Variants in TCF20 observed in about 807,000 individuals in gnomAD.
TCF20 encodes the protein transcription factor 20, also known as SPRE-binding protein.
TCF20 carries 3 observed loss-of-function variants against 148.6 expected under a neutral mutation model. The ratio of observed to expected loss-of-function variants is 0.02; its 90% CI spans 0.01 to 0.05. TCF20 has a LOEUF of 0.05. TCF20 is among the 10% of genes least tolerant of loss of function. The pLI, the probability that TCF20 is intolerant of heterozygous loss-of-function variation, is 1.00. For synonymous variants in TCF20, 1,049 were observed against 909.5 expected, an observed-to-expected ratio of 1.15 and a Z score of -2.76; for missense variants, 2,350 against 2,429.3, an observed-to-expected ratio of 0.97 and a Z score of 0.69.
intron 4 of TCF20, among the ~76,000 whole-genome samples, chr22:42,169,110 G>T (rs1300512254): frequency 6.6e-6 from 1 of 150,964 alleles, no homozygotes; most frequent in Non-Finnish European, 1.5e-5. Flanking sequence ...ATTTAAGACT[G>T]CGAGTGACCA....
At position 42,297,399 on chromosome 22, in the gene TCF20, T is replaced by C. The variant is rs578185298; in HGVS notation, c.-37+46080A>G. Among the ~76,000 whole-genome samples the C allele has an allele frequency of 6.6e-6, 1 of 152,228 alleles. No individual in the cohort carries two copies. Among genetic ancestry groups the C allele is most frequent in the South Asian group, 2.1e-4 (1 of 4,824 alleles). On this transcript the variant is annotated intron_variant, in intron 1 of 1. Coordinates refer to the TCF20 transcript ENST00000515426. The surrounding 1 kb of genome is among the most constrained non-coding windows in gnomAD (Gnocchi z 4.3). ...GTGGGTCCTCATTTGCATTAGACGG[T>C]AAATCTAAGGACACTGGTTGTGCCT... is the stretch of plus-strand genomic sequence containing the variant.
chr22:42,211,842 G>C lies in TCF20; in HGVS notation c.3464C>G (p.Pro1155Arg), dbSNP rs1920982200. 6.2e-7 allele frequency: 1 copy of C among 1,614,126 alleles called. No homozygotes were observed. Among genetic ancestry groups the C allele is most frequent in the African/African-American group, 1.3e-5 (1 of 75,016 alleles). Residue 1155 changes from proline (P) to arginine (R), a missense_variant, in exon 2 of 6, where the codon CCC becomes CGC. Coordinates refer to ENST00000677622, the MANE Select transcript of TCF20 (RefSeq NM_001378418.1). Reference protein sequence around the residue: ...YGPPVGTYHDPSAQEAGRCLM... With the variant: ...YGPPVGTYHDRSAQEAGRCLM... The stretch of plus-strand genomic sequence containing the variant: ...GCAGCGCCCAGCCTCCTGGGCACTG[G>C]GGTCATGGTAAGTCCCCACTGGTGG...
In TCF20 at chr22:42,160,952, C is replaced by T. The variant is rs114165181; in HGVS notation, c.*451G>A. The T allele has an allele frequency of 4.0e-3, 667 of 166,746 alleles. 4 individuals are homozygous for T. The highest frequency in any genetic ancestry group is 0.015 in the African/African-American group (620 of 41,862). 10.3% of individuals were successfully genotyped at this position (166,746 alleles called of 1,614,324 possible). A position where few individuals can be genotyped will look rare whatever the true frequency, so the allele number is the denominator to read the frequency against. ...CTCACATTTAAATTTCACTTGTCAT[C>T]GGAACAAATTTGGAGATCTTTAACG... On this transcript the variant is annotated 3_prime_UTR_variant, in exon 6 of 6. Transcript: ENST00000677622.
intron 1 of TCF20, among the ~76,000 whole-genome samples, chr22:42,323,426 A>G (rs1430065345): frequency 6.6e-6 from 1 of 151,746 alleles, no homozygotes; most frequent in Non-Finnish European, 1.5e-5. Context: ...AGAGGTCATT[A>G]GCATCACAGG....
intron 1 of TCF20, among the ~76,000 whole-genome samples, chr22:42,251,751 C>A (rs1389677795): frequency 6.6e-6 from 1 of 151,284 alleles, no homozygotes; most frequent in African/African-American, 2.4e-5. Context: ...GATCTGCCCA[C>A]CTAGGCCTCT....
chr22:42,192,120 A>T (rs1937364577), intron 2 of TCF20, among the ~76,000 whole-genome samples: 1 of 152,190 alleles, frequency 6.6e-6, no homozygotes, highest in African/African-American at 2.4e-5. Flanking sequence ...TCTTGGTGTA[A>T]GCTGCTTCTC....
At chr22:42,324,039 T>G (rs950170677) in intron 1 of TCF20, among the ~76,000 whole-genome samples, 18 of 23,992 alleles carry the variant, frequency 7.5e-4, no homozygotes, top group Admixed American at 1.9e-3. Context: ...TGATGGAGGT[T>G]ATGGTGGTGG....
rs184139028 is a variant in TCF20, at chr22:42,224,376, G to A, written c.-36-9035C>T. Among the ~76,000 whole-genome samples the A allele has an allele frequency of 1.5e-3, 231 of 151,914 alleles. 3 individuals carry two copies. The Middle Eastern group carries it at 0.024, about 16-fold the overall frequency. The stretch of plus-strand genomic sequence containing the variant: ...AGTCCCAGCTACTCAGGAGGCTGAG[G>A]CAGGAGAATGGCGTGAACCTGGGAG... On this transcript the variant is annotated intron_variant, in intron 1 of 5. Transcript: ENST00000677622.
intron 1 of TCF20, among the ~76,000 whole-genome samples, chr22:42,331,082 C>G (rs1432463355): frequency 6.6e-6 from 1 of 152,244 alleles, no homozygotes; most frequent in Middle Eastern, 3.2e-3. Context: ...AGTCGGGCAG[C>G]TGGCAGCAGC....
intron 1 of TCF20, among the ~76,000 whole-genome samples, chr22:42,234,514 A>C (rs1923704525): frequency 6.6e-6 from 1 of 152,174 alleles, no homozygotes; most frequent in Non-Finnish European, 1.5e-5. Context: ...GGAGGAGCGG[A>C]GGTGAGTCAA....
chr22:42,178,211 C>T (rs1936559357), intron 3 of TCF20, among the ~76,000 whole-genome samples: 1 of 152,176 alleles, frequency 6.6e-6, no homozygotes, highest in South Asian at 2.1e-4. Flanking sequence ...GGCTGTTCAT[C>T]TGCATCCTTT....
At chr22:42,289,826 G>A (rs1273465510) in intron 1 of TCF20, among the ~76,000 whole-genome samples, 1 of 152,118 alleles carries the variant, frequency 6.6e-6, no homozygotes, top group Admixed American at 6.5e-5. Flanking sequence ...GACCCCCAAA[G>A]AGCGCCCCAA....
intron 1 of TCF20, among the ~76,000 whole-genome samples, chr22:42,320,768 C>T (rs1445230940): frequency 1.3e-5 from 2 of 152,242 alleles, no homozygotes; most frequent in African/African-American, 4.8e-5. Context: ...CGGGAATCCC[C>T]ATTTATCAGC....
chr22:42,200,504 G>A (rs1285370535), intron 2 of TCF20, among the ~76,000 whole-genome samples: 5 of 152,086 alleles, frequency 3.3e-5, no homozygotes, highest in African/African-American at 1.2e-4. Flanking sequence ...TAGTCGGCAT[G>A]GTGGCACATG....
intron 2 of TCF20, among the ~76,000 whole-genome samples, chr22:42,183,229 C>G (rs1369566478): frequency 6.6e-6 from 1 of 152,178 alleles, no homozygotes; most frequent in African/African-American, 2.4e-5. Context: ...TCCTGAGAGC[C>G]ATTCAGTGTT....
chr22:42,341,525 C>T (rs1465723209), intron 1 of TCF20, among the ~76,000 whole-genome samples: 2 of 152,230 alleles, frequency 1.3e-5, no homozygotes, highest in Middle Eastern at 3.4e-3. Flanking sequence ...GGTCAATCCT[C>T]GGCTTCTCAA....
chr22:42,174,341 G>A (rs1003159152), intron 3 of TCF20, among the ~76,000 whole-genome samples: 2 of 152,232 alleles, frequency 1.3e-5, no homozygotes, highest in Admixed American at 6.5e-5. Context: ...GTTAGGCTGA[G>A]CTTTGCTGCT....
chr22:42,235,389 A>G (rs1363240606), intron 1 of TCF20, among the ~76,000 whole-genome samples: 1 of 152,180 alleles, frequency 6.6e-6, no homozygotes, highest in Non-Finnish European at 1.5e-5. Flanking sequence ...AGAACAAGGG[A>G]ACATTGGGTA....
intron 3 of TCF20, among the ~76,000 whole-genome samples, chr22:42,176,829 T>C (rs1361939224): frequency 1.3e-5 from 2 of 152,012 alleles, no homozygotes; most frequent in Admixed American, 1.3e-4. Flanking sequence ...GAACAGAGGA[T>C]ACTAGAGGCC....
Sources: gnomAD v4.1 joint callset for allele counts (sites outside exome capture counted in the v4.1 genomes callset) on GRCh38, gnomAD v4.1.1 for gene constraint, Gnocchi (gnomAD v3.1) non-coding constraint, MANE v1.5 for transcripts, NCBI Gene and HGNC (gene_info 2026-07-23, HGNC 2026-07-21) for gene names.